Variants in DNM3 observed in about 807,000 individuals in gnomAD.
DNM3 encodes dynamin-3.
In DNM3, 47 loss-of-function variants were observed where a neutral mutation model predicts 101.6. That is an observed-to-expected ratio of 0.46 (90% CI 0.37 to 0.59). DNM3 has a LOEUF of 0.59. Among genes scored for constraint, DNM3 ranks in the 20% least tolerant of loss-of-function variants. The pLI, the probability that DNM3 is intolerant of heterozygous loss-of-function variation, is 0.00. For missense variants in DNM3, 849 were observed against 1,085.7 expected (o/e 0.78, Z 3.06); for synonymous variants, 385 against 387.9 (o/e 0.99, Z 0.09).
chr1:172,253,488 GTCTC>G, intron 14 of DNM3, 81 bp from the exon 15 acceptor site: 3 of 843,872 alleles, frequency 3.6e-6, no homozygotes, highest in South Asian at 3.6e-5. Context: ...TCAATTTTCT[GTCTC>G]TCCTCTCCTC....
intron 2 of DNM3, among the ~76,000 whole-genome samples, chr1:171,985,612 A>G (rs961408573): frequency 1.3e-5 from 2 of 152,238 alleles, no homozygotes; most frequent in Admixed American, 1.3e-4. Flanking sequence ...AAAGTGGCAC[A>G]TTATATGGAG....
chr1:171,910,840 C>T (rs988609198), intron 1 of DNM3, among the ~76,000 whole-genome samples: 1 of 152,092 alleles, frequency 6.6e-6, no homozygotes, highest in Non-Finnish European at 1.5e-5. Context: ...GACTTGGGCT[C>T]CTGGTACTTT....
At chr1:172,355,656 G>T (rs1392721620) in intron 17 of DNM3, among the ~76,000 whole-genome samples, 1 of 152,154 alleles carries the variant, frequency 6.6e-6, no homozygotes, top group Non-Finnish European at 1.5e-5. Flanking sequence ...GACGTGTACA[G>T]TTGGTTCTCA....
intron 15 of DNM3, among the ~76,000 whole-genome samples, chr1:172,276,543 GA>G (rs997413063): frequency 2.8e-5 from 3 of 106,254 alleles, no homozygotes; most frequent in Non-Finnish European, 6.4e-5. Context: ...AATAATCACA[GA>G]AAAAAAATCT....
intron 14 of DNM3, among the ~76,000 whole-genome samples, chr1:172,244,002 C>T (rs1235861193): frequency 1.3e-5 from 2 of 152,158 alleles, no homozygotes. Context: ...TCTCCCAATG[C>T]TATCCCTTCC....
In DNM3 at chr1:171,940,531, T is replaced by G. The variant is rs150458680; in HGVS notation, c.235+18710T>G. Among the ~76,000 whole-genome samples the G allele has an allele frequency of 5.5e-3, 833 of 152,316 alleles. 10 individuals carry two copies. The highest frequency in any genetic ancestry group is 0.019 in the African/African-American group (794 of 41,570). On this transcript the variant is annotated intron_variant, in intron 2 of 20. Coordinates refer to ENST00000627582, the MANE Select transcript of DNM3 (RefSeq NM_015569.5). ...GATGGGATTGTTTCCCTCAGTTAGC[T>G]TCAGTTTTTACTGTTACATTACATT...
At chr1:172,055,920 A>T (rs577881721) in intron 10 of DNM3, among the ~76,000 whole-genome samples, 13 of 152,136 alleles carry the variant, frequency 8.5e-5, no homozygotes, top group Admixed American at 5.2e-4. Flanking sequence ...CTGCATTTCC[A>T]TCTGAGGTAC....
Position 172,030,676 on chromosome 1 carries a change from T to C in DNM3, c.590-1726T>C, listed in dbSNP as rs940022342. 2.6e-5 allele frequency among the ~76,000 whole-genome samples: 4 copies of C among 151,936 alleles called. No individual in the cohort carries two copies. In the South Asian group the frequency reaches 8.3e-4, roughly 32 times the overall value. On this transcript the variant is annotated intron_variant, in intron 4 of 20. Transcript: ENST00000627582. ...TCTGACAAAGGGCTAATATCCAGAATCTACAAAGAACATAAACAAATTTAC... is the reference window on the plus strand; with the variant it reads ...TCTGACAAAGGGCTAATATCCAGAACCTACAAAGAACATAAACAAATTTAC...
chr1:172,283,780 A>AAAAAAAAAAAAAAAAAAAAAAAAAG (rs1553221113), intron 15 of DNM3, among the ~76,000 whole-genome samples: 3 of 119,084 alleles, frequency 2.5e-5, no homozygotes, highest in African/African-American at 1.0e-4. Flanking sequence ...AAAAAAAAAA[A>AAAAAAAAAAAAAAAAAAAAAAAAAG]AAAGAAAGAA....
At chr1:172,249,836 C>T (rs1020481142) in intron 14 of DNM3, among the ~76,000 whole-genome samples, 5 of 152,010 alleles carry the variant, frequency 3.3e-5, no homozygotes, top group African/African-American at 1.2e-4. Flanking sequence ...TGTCATGAAA[C>T]TTGTTTCTAA....
intron 17 of DNM3, among the ~76,000 whole-genome samples, chr1:172,366,362 G>A (rs1269687933): frequency 6.6e-6 from 1 of 151,866 alleles, no homozygotes; most frequent in Non-Finnish European, 1.5e-5. Flanking sequence ...TTTAGTATTA[G>A]CCCTCCAAAA....
At chr1:172,331,293 T>C (rs184826464) in intron 17 of DNM3, among the ~76,000 whole-genome samples, 1 of 152,316 alleles carries the variant, frequency 6.6e-6, no homozygotes, top group Admixed American at 6.5e-5. Context: ...AATTTCTGGC[T>C]CTTGATTTTT....
chr1:171,990,917 C>G (rs1199378472), intron 4 of DNM3, among the ~76,000 whole-genome samples: 3 of 152,104 alleles, frequency 2.0e-5, no homozygotes, highest in African/African-American at 4.8e-5. Context: ...AGATTATAAA[C>G]TGGGACTGGA....
intron 6 of DNM3, among the ~76,000 whole-genome samples, chr1:172,034,987 T>C (rs920972438): frequency 2.0e-5 from 3 of 152,010 alleles, no homozygotes; most frequent in Non-Finnish European, 4.4e-5. Context: ...GAAAAAAGAA[T>C]GTGGTATTGA....
At chr1:172,057,008 T>C (rs903014798) in intron 10 of DNM3, among the ~76,000 whole-genome samples, 1 of 151,956 alleles carries the variant, frequency 6.6e-6, no homozygotes, top group African/African-American at 2.4e-5. Context: ...AAGGAGCTGA[T>C]GGAGCTGAAA....
At chr1:172,192,664 A>G (rs1365426979) in intron 14 of DNM3, among the ~76,000 whole-genome samples, 2 of 151,850 alleles carry the variant, frequency 1.3e-5, no homozygotes. Context: ...ACTGAGAACA[A>G]TGATTTCCAA....
intron 2 of DNM3, among the ~76,000 whole-genome samples, chr1:171,926,341 C>T (rs2040571520): frequency 6.6e-6 from 1 of 152,170 alleles, no homozygotes; most frequent in African/African-American, 2.4e-5. Flanking sequence ...TCTTCCAATC[C>T]ATGAGCATGG....
intron 11 of DNM3, among the ~76,000 whole-genome samples, chr1:172,076,604 G>C (rs1414981934): frequency 6.6e-6 from 1 of 152,122 alleles, no homozygotes; most frequent in South Asian, 2.1e-4. Flanking sequence ...TTCTGTTTAT[G>C]TGATGGATTA....
chr1:172,051,388 C>T (rs986922762), intron 10 of DNM3, among the ~76,000 whole-genome samples: 1 of 152,134 alleles, frequency 6.6e-6, no homozygotes, highest in African/African-American at 2.4e-5. Context: ...ATACCCAATT[C>T]ACCTTCAACG....
Sources: gnomAD v4.1 joint callset for allele counts (sites outside exome capture counted in the v4.1 genomes callset) on GRCh38, gnomAD v4.1.1 for gene constraint, MANE v1.5 for transcripts, NCBI Gene and HGNC (gene_info 2026-07-23, HGNC 2026-07-21) for gene names.